Variants in EIF4H observed in about 807,000 individuals in gnomAD.
EIF4H encodes eukaryotic translation initiation factor 4H.
A neutral mutation model predicts 30.6 loss-of-function variants in EIF4H; 8 were observed. The observed-to-expected ratio is 0.26, with a 90% CI of 0.15 to 0.47. EIF4H has a LOEUF of 0.47. Among genes scored for constraint, EIF4H ranks in the 20% least tolerant of loss-of-function variants. The probability of loss-of-function intolerance (pLI) is 0.99; values close to 1 mark genes in which losing one functional copy is unlikely to be tolerated. For synonymous variants in EIF4H, 106 were observed against 122.7 expected (o/e 0.86, Z 0.90); for missense variants, 188 against 339.5 (o/e 0.55, Z 3.51).
intron 5 of EIF4H, 34 bp downstream of exon 5, chr7:74,190,340 TC>T (rs781946662): frequency 1.2e-6 from 2 of 1,603,528 alleles, no homozygotes; most frequent in South Asian, 1.1e-5. Context: ...ACTTAATTTT[TC>T]CTAGGAGCCT....
At chr7:74,182,576 T>A (rs1223348046) in intron 1 of EIF4H, among the ~76,000 whole-genome samples, 1 of 152,210 alleles carries the variant, frequency 6.6e-6, no homozygotes, top group Non-Finnish European at 1.5e-5. Context: ...GTTGGGAGGT[T>A]TAAATGAGAT....
At chr7:74,193,818 G>C (rs551790485) in intron 5 of EIF4H, among the ~76,000 whole-genome samples, 2 of 152,106 alleles carry the variant, frequency 1.3e-5, no homozygotes, top group Admixed American at 6.6e-5. Flanking sequence ...TCACTGTGTT[G>C]CCCAGTCTGG....
intron 1 of EIF4H, among the ~76,000 whole-genome samples, chr7:74,175,088 CT>C: frequency 6.6e-6 from 1 of 152,224 alleles, no homozygotes; most frequent in Non-Finnish European, 1.5e-5. Context: ...TTGACAGGTG[CT>C]ACGTGCTCTT....
rs1422175355 is a variant in EIF4H at position 74,195,583 on chromosome 7, T to G, written c.*275T>G. The G allele has an allele frequency of 3.2e-6, 1 of 313,286 alleles. No individual in the cohort carries two copies. The highest frequency in any genetic ancestry group is 5.9e-6 in the Non-Finnish European group (1 of 169,928). The allele number at this position is 313,286 out of a possible 1,614,324, so 19.4% of individuals were successfully genotyped here. On this transcript the variant is annotated 3_prime_UTR_variant, in exon 7 of 7. Transcript: ENST00000265753. ...GTCCTTTTTCTCCTGCTCCTTGTTTTCCCAGCAGCACATGGGGTTCCTCGG... is the reference window on the plus strand; with the variant it reads ...GTCCTTTTTCTCCTGCTCCTTGTTTGCCCAGCAGCACATGGGGTTCCTCGG...
At chr7:74,179,812 T>C (rs1554708180) in intron 1 of EIF4H, among the ~76,000 whole-genome samples, 1 of 152,188 alleles carries the variant, frequency 6.6e-6, no homozygotes, top group Non-Finnish European at 1.5e-5. Context: ...TCACCATAGC[T>C]GTTAGAAAAG....
At chr7:74,190,410 C>A in intron 5 of EIF4H, 104 bp downstream of exon 5, 1 of 1,159,184 alleles carries the variant, frequency 8.6e-7, no homozygotes, top group Non-Finnish European at 1.3e-6. Flanking sequence ...TATTTAGTTC[C>A]TTTAACAAAT....
At position 74,174,378 on chromosome 7, in the gene EIF4H, C is replaced by T; in HGVS notation, c.-6C>T. On this transcript the variant is annotated 5_prime_UTR_variant, in exon 1 of 7. In the 5' UTR this introduces an upstream ATG that the reference lacks. Transcript: ENST00000265753. ...ACCCTGGTTCCTCTCGGAGCGGAGACGGCAAATGGCGGACTTCGACACCTA... is the reference window on the plus strand; with the variant it reads ...ACCCTGGTTCCTCTCGGAGCGGAGATGGCAAATGGCGGACTTCGACACCTA... 1 of 1,454,670 alleles carries T rather than the reference C, an allele frequency of 6.9e-7. No homozygotes were observed. The highest frequency in any genetic ancestry group is 9.2e-7 in the Non-Finnish European group (1 of 1,089,150). The allele number at this position is 1,454,670 out of a possible 1,614,324, so 90.1% of individuals were successfully genotyped here.
At position 74,178,508 on chromosome 7, in the gene EIF4H, C is replaced by T. The variant is rs117456379; in HGVS notation, c.59+4066C>T. ...GCATTGAGCTGAGATCATGCCACTGCACTCCTCCAGCCTGGGCGACAGAGA... is the reference window on the plus strand; with the variant it reads ...GCATTGAGCTGAGATCATGCCACTGTACTCCTCCAGCCTGGGCGACAGAGA... On this transcript the variant is annotated intron_variant, in intron 1 of 6. Transcript: ENST00000265753. 3.3e-5 allele frequency among the ~76,000 whole-genome samples: 5 copies of T among 151,246 alleles called. No homozygotes were observed. In the East Asian group the frequency reaches 9.7e-4, roughly 29 times the overall value.
intron 1 of EIF4H, among the ~76,000 whole-genome samples, 196 bp downstream of exon 1, chr7:74,174,638 G>T (rs1554707389): frequency 6.6e-6 from 1 of 152,150 alleles, no homozygotes; most frequent in Non-Finnish European, 1.5e-5. Context: ...GGCTCCCGGG[G>T]TCTTGCTTGC....
intron 1 of EIF4H, among the ~76,000 whole-genome samples, chr7:74,181,630 CAG>C (rs1456164465): frequency 1.3e-5 from 2 of 151,948 alleles, no homozygotes; most frequent in South Asian, 2.1e-4. Context: ...AGAGCAGAAA[CAG>C]AGGGTTTCTA....
At position 74,196,608 on chromosome 7, in the gene EIF4H, T is replaced by G. The variant is rs1801359102; in HGVS notation, c.*1300T>G. ...CCAGTCTGTCCTATGGGGAGCAGTT[T>G]GGGGGCGGCCGGCAGCAGGAGCCTG... On this transcript the variant is annotated 3_prime_UTR_variant, in exon 7 of 7. Coordinates refer to ENST00000265753, the MANE Select transcript of EIF4H (RefSeq NM_022170.2). The G allele has an allele frequency of 1.3e-5, 2 of 151,552 alleles. No homozygotes were observed. Among genetic ancestry groups the G allele is most frequent in the Admixed American group, 6.6e-5 (1 of 15,206 alleles). 9.4% of individuals were successfully genotyped at this position (151,552 alleles called of 1,614,324 possible). A position where few individuals can be genotyped will look rare whatever the true frequency, so the allele number is the denominator to read the frequency against.
intron 1 of EIF4H, among the ~76,000 whole-genome samples, chr7:74,181,058 T>G (rs2115945087): frequency 6.6e-6 from 1 of 152,272 alleles, no homozygotes; most frequent in African/African-American, 2.4e-5. Flanking sequence ...AAGTGTACAA[T>G]TTAGTGGCAT....
intron 1 of EIF4H, among the ~76,000 whole-genome samples, chr7:74,175,075 G>T (rs1382225798): frequency 6.6e-6 from 1 of 152,250 alleles, no homozygotes; most frequent in African/African-American, 2.4e-5. Context: ...GGGTCACAGT[G>T]CCTTGACAGG....
chr7:74,191,579 C>CT (rs1346968007), intron 5 of EIF4H, among the ~76,000 whole-genome samples: 1 of 151,926 alleles, frequency 6.6e-6, no homozygotes, highest in African/African-American at 2.4e-5. Flanking sequence ...GAGAGTAGAT[C>CT]TTTTTTACTT....
Position 74,195,443 on chromosome 7 carries a change from A to C in EIF4H, c.*135A>C. The C allele has an allele frequency of 2.0e-6, 2 of 986,728 alleles. No homozygotes were observed. The highest frequency in any genetic ancestry group is 3.0e-6 in the Non-Finnish European group (2 of 677,866). The allele number at this position is 986,728 out of a possible 1,614,324, so 61.1% of individuals were successfully genotyped here. ...CCTCACAGCGGAAACACAGCTTGTGAGTGCATGTCAGCTGTTAACAAGTGG... is the reference window on the plus strand; with the variant it reads ...CCTCACAGCGGAAACACAGCTTGTGCGTGCATGTCAGCTGTTAACAAGTGG... On this transcript the variant is annotated 3_prime_UTR_variant, in exon 7 of 7. Transcript: ENST00000265753.
chr7:74,191,866 G>A (rs550384452), intron 5 of EIF4H, among the ~76,000 whole-genome samples: 1 of 152,116 alleles, frequency 6.6e-6, no homozygotes, highest in East Asian at 1.9e-4. Context: ...TGCAAGCTCT[G>A]CCTCCTGGGT....
chr7:74,182,201 C>G (rs533990168), intron 1 of EIF4H, among the ~76,000 whole-genome samples: 1 of 152,240 alleles, frequency 6.6e-6, no homozygotes, highest in Admixed American at 6.5e-5. Flanking sequence ...AGAACACGAA[C>G]CAAAGCATAA....
intron 1 of EIF4H, among the ~76,000 whole-genome samples, chr7:74,175,997 A>G (rs1554707626): frequency 6.6e-6 from 1 of 152,188 alleles, no homozygotes. Context: ...AGATGAAAAT[A>G]TTAGCCATTT....
At chr7:74,174,530 G>GGGGCGGC in intron 1 of EIF4H, 88 bp downstream of exon 1, 2 of 1,153,688 alleles carry the variant, frequency 1.7e-6, no homozygotes, top group Non-Finnish European at 2.2e-6. Flanking sequence ...GCGCTCAGCC[G>GGGGCGGC]GGGCGGCGGG....
Sources: gnomAD v4.1 joint callset for allele counts (sites outside exome capture counted in the v4.1 genomes callset) on GRCh38, gnomAD v4.1.1 for gene constraint, MANE v1.5 for transcripts, NCBI Gene and HGNC (gene_info 2026-07-23, HGNC 2026-07-21) for gene names.